The following TRIM49 variants were observed in gnomAD, a reference collection of about 807,000 sequenced individuals.
The protein encoded by TRIM49 is tripartite motif containing 49, also known as tripartite motif-containing protein 49.
A neutral mutation model predicts 27.4 loss-of-function variants in TRIM49; 5 were observed. The ratio of observed to expected loss-of-function variants is 0.18; its 90% CI spans 0.10 to 0.38. The LOEUF (loss-of-function observed/expected upper bound fraction) is 0.38. Ranked by LOEUF, TRIM49 falls within the 10% of genes least tolerant of loss-of-function variation. TRIM49 has a pLI of 1.00. For missense variants in TRIM49, 188 were observed against 487.5 expected (o/e 0.39, Z 5.79); for synonymous variants, 69 against 166.0 (o/e 0.42, Z 4.49).
rs1402448219 is a variant in TRIM49 at position 89,808,516 on chromosome 11, C to A, written c.-270G>T. The A allele has an allele frequency of 6.6e-6, 1 of 151,146 alleles. No homozygotes were observed. The highest frequency in any genetic ancestry group is 1.9e-4 in the East Asian group (1 of 5,176). 9.4% of individuals were successfully genotyped at this position (151,146 alleles called of 1,614,324 possible). On this transcript the variant is annotated 5_prime_UTR_variant, in exon 1 of 8. Coordinates refer to ENST00000329758, the MANE Select transcript of TRIM49 (RefSeq NM_020358.2). The stretch of plus-strand genomic sequence containing the variant: ...AAAAGAAATCCCCCGCTGGCTGGAT[C>A]CCAGTGGTCATGAATCAAAGCTTTG...
the TRIM49 span, among the ~76,000 whole-genome samples, chr11:89,792,618 A>C: frequency 6.6e-6 from 1 of 152,120 alleles, no homozygotes; most frequent in East Asian, 1.9e-4. Context: ...CTACATGGAA[A>C]CTGAACAACC....
the TRIM49 span, among the ~76,000 whole-genome samples, chr11:89,791,708 C>A: frequency 6.6e-6 from 1 of 152,090 alleles, no homozygotes; most frequent in Non-Finnish European, 1.5e-5. Flanking sequence ...GATTTTGTCA[C>A]CACCAGGCCT....
At chr11:89,802,791 A>G (rs1298150142) in intron 4 of TRIM49, among the ~76,000 whole-genome samples, 1 of 150,316 alleles carries the variant, frequency 6.7e-6, no homozygotes, top group Non-Finnish European at 1.5e-5. Context: ...TCTGGCCTCT[A>G]TTGTCCTTTT....
chr11:89,797,605 T>C (rs1949700744), downstream of TRIM49: 1 of 152,524 alleles, frequency 6.6e-6, no homozygotes, highest in Non-Finnish European at 1.5e-5. Context: ...GGATTATTTA[T>C]ATCTGTGGTG....
downstream of TRIM49, among the ~76,000 whole-genome samples, chr11:89,793,614 C>G (rs1342759073): frequency 2.6e-5 from 4 of 152,094 alleles, no homozygotes; most frequent in African/African-American, 9.6e-5. Context: ...AGCACATAAA[C>G]AGAACCAAAG....
At chr11:89,767,152 A>G in the TRIM49 span, 2 of 385,232 alleles carry the variant, frequency 5.2e-6, no homozygotes, top group East Asian at 1.1e-4. Flanking sequence ...TTCTCACTAG[A>G]AAACACAGGT....
In TRIM49 at chr11:89,800,921, G is replaced by A. The variant is rs377316204; in HGVS notation, c.761+45C>T. 2.3e-4 allele frequency: 259 copies of A among 1,123,114 alleles called. 3 individuals carry two copies. The East Asian group carries it at 5.9e-3, about 26-fold the overall frequency. 69.6% of individuals were successfully genotyped at this position (1,123,114 alleles called of 1,614,324 possible). On this transcript the variant is annotated intron_variant, in intron 6 of 7. Coordinates refer to ENST00000329758, the MANE Select transcript of TRIM49 (RefSeq NM_020358.2). ...TTTAATAGAGCCTGCTTTGATAGTC[G>A]TGGAATCTTAAAGAACATATGCTAA...
At chr11:89,785,028 T>A in the TRIM49 span, among the ~76,000 whole-genome samples, 1 of 150,066 alleles carries the variant, frequency 6.7e-6, no homozygotes, top group African/African-American at 2.5e-5. Flanking sequence ...ACATTGTCAA[T>A]CATTAATCCA....
the TRIM49 span, among the ~76,000 whole-genome samples, chr11:89,790,796 G>C: frequency 6.8e-6 from 1 of 146,112 alleles, no homozygotes; most frequent in Non-Finnish European, 1.5e-5. Flanking sequence ...ACAAAGATGG[G>C]GAAAAAACAG....
At chr11:89,777,309 C>T in the TRIM49 span, 2 of 1,544,986 alleles carry the variant, frequency 1.3e-6, no homozygotes, top group African/African-American at 1.4e-5. Flanking sequence ...AGAGATTGCT[C>T]TGTGGGCCCT....
At chr11:89,775,699 G>A in the TRIM49 span, among the ~76,000 whole-genome samples, 5 of 133,572 alleles carry the variant, frequency 3.7e-5, 1 homozygote, top group African/African-American at 6.8e-5. Flanking sequence ...ATTGGCAATG[G>A]GAAAAAACTT....
At chr11:89,773,220 T>G in the TRIM49 span, among the ~76,000 whole-genome samples, 155 of 132,962 alleles carry the variant, frequency 1.2e-3, 2 homozygotes, top group East Asian at 0.032. Flanking sequence ...TTATTATTAT[T>G]GTGTAAATAA....
At chr11:89,791,313 C>G in the TRIM49 span, among the ~76,000 whole-genome samples, 2 of 152,170 alleles carry the variant, frequency 1.3e-5, no homozygotes, top group Non-Finnish European at 2.9e-5. Context: ...AGTTGGAAAA[C>G]ACTCTGCAGG....
the TRIM49 span, among the ~76,000 whole-genome samples, chr11:89,792,106 A>G: frequency 6.6e-6 from 1 of 151,978 alleles, no homozygotes; most frequent in African/African-American, 2.4e-5. Context: ...AGTCTCTGAT[A>G]AAACAGACTT....
At chr11:89,802,344 CA>C (rs1949745310) in intron 4 of TRIM49, among the ~76,000 whole-genome samples, 1 of 150,534 alleles carries the variant, frequency 6.6e-6, no homozygotes, top group Non-Finnish European at 1.5e-5. Flanking sequence ...CTTAGACTAG[CA>C]TGTCCAGCTA....
At chr11:89,784,964 A>G in the TRIM49 span, among the ~76,000 whole-genome samples, 1 of 149,704 alleles carries the variant, frequency 6.7e-6, no homozygotes, top group Admixed American at 6.6e-5. Context: ...AATTTATGTT[A>G]GAATATCACC....
downstream of TRIM49, among the ~76,000 whole-genome samples, chr11:89,797,174 A>T (rs1231531214): frequency 6.6e-6 from 1 of 151,188 alleles, no homozygotes; most frequent in Non-Finnish European, 1.5e-5. Context: ...TATGTATCCA[A>T]TTCTGTAAAG....
Position 89,808,487 on chromosome 11 carries a change from C to A in TRIM49, c.-241G>T, listed in dbSNP as rs1949803326. The A allele has an allele frequency of 6.6e-6, 1 of 150,762 alleles. No homozygotes were observed. The highest frequency in any genetic ancestry group is 6.6e-5 in the Admixed American group (1 of 15,266). 9.3% of individuals were successfully genotyped at this position (150,762 alleles called of 1,614,324 possible). A position where few individuals can be genotyped will look rare whatever the true frequency, so the allele number is the denominator to read the frequency against. The stretch of plus-strand genomic sequence containing the variant: ...ATGTGAGATCCTGGGTACAGTCCAT[C>A]AGGAAAAGAAATCCCCCGCTGGCTG... On this transcript the variant is annotated 5_prime_UTR_variant, in exon 1 of 8. The change abolishes the stop of an existing upstream ORF in the 5' untranslated region. Coordinates refer to ENST00000329758, the MANE Select transcript of TRIM49 (RefSeq NM_020358.2).
chr11:89,768,814 C>T, the TRIM49 span: 15 of 505,098 alleles, frequency 3.0e-5, 2 homozygotes, highest in Non-Finnish European at 4.7e-5. Flanking sequence ...ATTAACATAC[C>T]TTGCCACCAT....
Sources: allele counts gnomAD v4.1 joint callset (sites outside exome capture counted in the v4.1 genomes callset), GRCh38; gene constraint gnomAD v4.1.1; transcripts MANE v1.5; gene names NCBI Gene and HGNC (gene_info 2026-07-23, HGNC 2026-07-21).